Variants in CRY2 observed in about 807,000 individuals in gnomAD.
CRY2 encodes cryptochrome-2.
A neutral mutation model predicts 69.5 loss-of-function variants in CRY2; 31 were observed. That is an observed-to-expected ratio of 0.45 (90% CI 0.34 to 0.60). The LOEUF (loss-of-function observed/expected upper bound fraction) is 0.60, where lower values mean the gene tolerates loss of function less well. Among genes scored for constraint, CRY2 ranks in the 20% least tolerant of loss-of-function variants. The probability of loss-of-function intolerance (pLI) is 0.02; values close to 1 mark genes in which losing one functional copy is unlikely to be tolerated. For synonymous variants in CRY2, 303 were observed against 312.2 expected, an observed-to-expected ratio of 0.97 and a Z score of 0.31; for missense variants, 606 against 797.8, an observed-to-expected ratio of 0.76 and a Z score of 2.90.
chr11:45,870,308 C>T, intron 8 of CRY2, 22 bp from the exon 9 acceptor site: 2 of 1,614,058 alleles, frequency 1.2e-6, no homozygotes, highest in Non-Finnish European at 1.7e-6. Context: ...GCTGATGGGT[C>T]ATCTGGTGTA....
At chr11:45,867,489 TTCCATGGC>T in intron 5 of CRY2, 115 bp from the exon 6 acceptor site, 1 of 1,299,872 alleles carries the variant, frequency 7.7e-7, no homozygotes, top group Non-Finnish European at 1.1e-6. Context: ...AAGCACAGTG[TTCCATGGC>T]TCCATGGCTG....
intron 1 of CRY2, among the ~76,000 whole-genome samples, chr11:45,854,451 A>G (rs1486307645): frequency 6.6e-6 from 1 of 152,202 alleles, no homozygotes; most frequent in Non-Finnish European, 1.5e-5. Context: ...TGGATGGCTG[A>G]GGAGGGCGGA....
Position 45,870,369 on chromosome 11 carries a change from C to G in CRY2, c.1386C>G (p.Tyr462Ter). The change falls in exon 9 of 12, where the codon TAC (tyrosine) becomes TAG (stop). Residue 462 changes from tyrosine to a stop codon, truncating the protein, a stop_gained. Transcript: ENST00000616080. LOFTEE classifies it high-confidence loss of function. ...AATTGAAAGCGTTCCCCTCTCGATA[C>G]ATCTATGAGCCCTGGAATGCCCCAG... ...LPKLKAFPSR[Y>*]IYEPWNAPES... 6.2e-7 allele frequency: 1 copy of G among 1,614,238 alleles called. No individual in the cohort carries two copies.
chr11:45,876,572 C>T (rs1270447200), intron 11 of CRY2, among the ~76,000 whole-genome samples: 8 of 152,208 alleles, frequency 5.3e-5, no homozygotes, highest in Non-Finnish European at 8.8e-5. Flanking sequence ...GAACAGCTCA[C>T]GTGTTCCATT....
At chr11:45,857,062 C>T (rs1469098905) in intron 2 of CRY2, among the ~76,000 whole-genome samples, 1 of 152,108 alleles carries the variant, frequency 6.6e-6, no homozygotes. Flanking sequence ...ACCCTAACTC[C>T]GAGACAAAAG....
intron 3 of CRY2, 48 bp downstream of exon 3, chr11:45,858,921 A>C (rs779818929): frequency 8.2e-6 from 13 of 1,594,186 alleles, no homozygotes; most frequent in South Asian, 1.1e-5. Context: ...GAGAGTTAGT[A>C]ATTTGGGCCC....
intron 10 of CRY2, among the ~76,000 whole-genome samples, chr11:45,871,274 T>A (rs1031609748): frequency 1.4e-4 from 21 of 151,098 alleles, no homozygotes; most frequent in Admixed American, 1.3e-3. Flanking sequence ...ACAAAGGGAG[T>A]AGCAAGAAAA....
At chr11:45,864,630 G>A (rs2086314695) in intron 5 of CRY2, among the ~76,000 whole-genome samples, 1 of 151,906 alleles carries the variant, frequency 6.6e-6, no homozygotes, top group Admixed American at 6.6e-5. Context: ...CACTTTGGGA[G>A]GCCGAGGCAG....
At position 45,862,268 on chromosome 11, in the gene CRY2, C is replaced by A. The variant is rs534938491; in HGVS notation, c.741+120C>A. The A allele has an allele frequency of 4.8e-6, 4 of 839,518 alleles. No individual in the cohort carries two copies. In the South Asian group the frequency reaches 7.8e-5, roughly 16 times the overall value. 52.0% of individuals were successfully genotyped at this position (839,518 alleles called of 1,614,324 possible). On this transcript the variant is annotated intron_variant, in intron 5 of 11. Coordinates refer to ENST00000616080, the MANE Select transcript of CRY2 (RefSeq NM_021117.5). ...CACATTGTTTGGAAAATGAAAAATCCTCCTATCCTCCTGATGGCCATAACA... is the reference window on the plus strand; with the variant it reads ...CACATTGTTTGGAAAATGAAAAATCATCCTATCCTCCTGATGGCCATAACA...
At chr11:45,868,735 G>A (rs1228049056) in intron 6 of CRY2, among the ~76,000 whole-genome samples, 3 of 152,198 alleles carry the variant, frequency 2.0e-5, no homozygotes, top group African/African-American at 7.2e-5. Context: ...TCAGGCTCAG[G>A]TGATCCTCCT....
rs762734852 is a variant in CRY2 at position 45,867,595 on chromosome 11, T to A, written c.742-17T>A. 16 of 1,614,046 alleles carry A rather than the reference T, an allele frequency of 9.9e-6. No homozygotes were observed. Among genetic ancestry groups the A allele is most frequent in the Non-Finnish European group, 8.5e-6 (10 of 1,179,892 alleles). ...CATCCAAGCCTTTCCTTTTGCCACC[T>A]TCTCTTTCTGCTGTAGGCCTGGGTT... On this transcript the variant is annotated splice_polypyrimidine_tract_variant and intron_variant, in intron 5 of 11. Coordinates refer to ENST00000616080, the MANE Select transcript of CRY2 (RefSeq NM_021117.5).
At chr11:45,859,575 AAAG>A (rs1282730502) in intron 3 of CRY2, among the ~76,000 whole-genome samples, 3 of 151,792 alleles carry the variant, frequency 2.0e-5, no homozygotes, top group African/African-American at 4.8e-5. Context: ...AAAAAAAAAA[AAAG>A]AGTTCCCAGG....
chr11:45,847,393 G>T, upstream of CRY2: 1 of 1,596,950 alleles, frequency 6.3e-7, no homozygotes, highest in Non-Finnish European at 8.5e-7. Flanking sequence ...GGGACTAAGG[G>T]TGGAGTTGCG....
At chr11:45,851,642 A>G (rs960506812) in intron 1 of CRY2, among the ~76,000 whole-genome samples, 19 of 152,148 alleles carry the variant, frequency 1.2e-4, no homozygotes, top group African/African-American at 4.3e-4. Flanking sequence ...GAATAAATAT[A>G]TTTTTAAAAT....
intron 1 of CRY2, among the ~76,000 whole-genome samples, chr11:45,849,306 C>T (rs964179604): frequency 6.6e-6 from 1 of 152,116 alleles, no homozygotes; most frequent in Admixed American, 6.5e-5. Context: ...GCTCAGATGC[C>T]TGAGTCAAAT....
chr11:45,866,136 C>A (rs1222306728), intron 5 of CRY2, among the ~76,000 whole-genome samples: 3 of 152,180 alleles, frequency 2.0e-5, no homozygotes, highest in African/African-American at 7.2e-5. Context: ...AGTGTATTAT[C>A]TGAGGTAGGG....
In CRY2 at chr11:45,869,605, A is replaced by G. The variant is rs1227762567; in HGVS notation, c.982A>G (p.Met328Val). The G allele has an allele frequency of 4.3e-6, 7 of 1,614,130 alleles. No homozygotes were observed. Among genetic ancestry groups the G allele is most frequent in the Non-Finnish European group, 5.9e-6 (7 of 1,180,040 alleles). ...AATNNPRFDR[M>V]EGNPICIQIP... ...TACCAACAACCCCAGGTTTGACCGC[A>G]TGGAGGGGAACCCCATCTGCATCCA... Residue 328 changes from methionine (M) to valine (V), a missense_variant, in exon 7 of 12, where the codon ATG becomes GTG. Around this residue, in one of 5 missense-constraint regions of CRY2, gnomAD observed 382 missense variants for 508.9 expected, o/e 0.75. Coordinates refer to ENST00000616080, the MANE Select transcript of CRY2 (RefSeq NM_021117.5).
chr11:45,882,538 T>C lies in CRY2; in HGVS notation c.*1627T>C. 1 of 398,848 alleles carries C rather than the reference T, an allele frequency of 2.5e-6. No homozygotes were observed. The highest frequency in any genetic ancestry group is 3.6e-5 in the East Asian group (1 of 28,068). The allele number at this position is 398,848 out of a possible 1,614,324, so 24.7% of individuals were successfully genotyped here. On this transcript the variant is annotated 3_prime_UTR_variant, in exon 12 of 12. Transcript: ENST00000616080. ...TGACAGGCTTCTTCCTGAGATATCC[T>C]CAGGTTTTCTCAGCCAGAGAGCTGC...
Position 45,872,195 on chromosome 11 carries a change from G to T in CRY2, c.1746G>T (p.Glu582Asp). Reference sequence around the variant, plus strand: ...TCAGCAAACGGGCCCGGGTGGCAGAGTTGCCAACCCCAGAGCTGCCGAGCA... The same window carrying T: ...TCAGCAAACGGGCCCGGGTGGCAGATTTGCCAACCCCAGAGCTGCCGAGCA... Reference protein sequence around the residue: ...EELSKRARVAELPTPELPSKD... With the variant: ...EELSKRARVADLPTPELPSKD... The change falls in exon 11 of 12, where the codon GAG (glutamate) becomes GAT (aspartate). Residue 582 changes from glutamate to aspartate, a missense_variant. Around this residue, in one of 5 missense-constraint regions of CRY2, gnomAD observed 173 missense variants for 213.7 expected, o/e 0.81. Transcript: ENST00000616080. 4.3e-6 allele frequency: 7 copies of T among 1,614,152 alleles called. No homozygotes were observed. The highest frequency in any genetic ancestry group is 5.9e-6 in the Non-Finnish European group (7 of 1,180,020).
Sources: gnomAD v4.1 joint callset for allele counts (sites outside exome capture counted in the v4.1 genomes callset) on GRCh38, gnomAD v4.1.1 for gene constraint, gnomAD v4.1.1 regional missense constraint, MANE v1.5 for transcripts, NCBI Gene and HGNC (gene_info 2026-07-23, HGNC 2026-07-21) for gene names.